Variants in DOCK1 observed in about 807,000 individuals in gnomAD.
DOCK1 encodes the protein dedicator of cytokinesis protein 1.
A neutral mutation model predicts 262.7 loss-of-function variants in DOCK1; 138 were observed. The observed-to-expected ratio is 0.53, with a 90% CI of 0.46 to 0.61. The LOEUF is 0.61. Ranked by LOEUF, DOCK1 falls within the 20% of genes least tolerant of loss-of-function variation. DOCK1 has a pLI of 0.00. For missense variants in DOCK1, 1,908 were observed against 2,370.7 expected (o/e 0.80, Z 4.05); for synonymous variants, 866 against 867.4 (o/e 1.00, Z 0.03).
chr10:126,950,056 A>ATTT lies in DOCK1; in HGVS notation c.47-20638_47-20636dup, dbSNP rs1440154475. Among the ~76,000 whole-genome samples the ATTT allele has an allele frequency of 6.5e-4, 97 of 149,542 alleles. 1 individual carries two copies. Among genetic ancestry groups the ATTT allele is most frequent in the African/African-American group, 1.9e-3 (77 of 40,954 alleles). On this transcript the variant is annotated intron_variant, in intron 1 of 51. Coordinates refer to ENST00000623213, the MANE Select transcript of DOCK1 (RefSeq NM_001290223.2). Reference sequence around the variant, plus strand: ...CCATCTAACATCCTCTCTAAGCCTCATTTTTTTTTTCCATTTGTGAAATGG... The same window carrying ATTT: ...CCATCTAACATCCTCTCTAAGCCTCATTTTTTTTTTTTTCCATTTGTGAAATGG...
chr10:127,124,039 C>A (rs911210679), intron 25 of DOCK1, among the ~76,000 whole-genome samples: 2 of 152,210 alleles, frequency 1.3e-5, no homozygotes, highest in African/African-American at 4.8e-5. Flanking sequence ...AAGGCCTTGG[C>A]CATGAGCCGC....
At chr10:126,991,525 TTTTG>T (rs754427195) in intron 6 of DOCK1, among the ~76,000 whole-genome samples, 16 of 152,040 alleles carry the variant, frequency 1.1e-4, no homozygotes, top group Non-Finnish European at 1.8e-4. Flanking sequence ...AGTGTTTTTT[TTTTG>T]TTTGTTTGTT....
intron 51 of DOCK1, among the ~76,000 whole-genome samples, chr10:127,450,390 T>C (rs940805133): frequency 6.6e-6 from 1 of 152,242 alleles, no homozygotes; most frequent in Non-Finnish European, 1.5e-5. Flanking sequence ...TAGTGTTCTG[T>C]GATTTCATTC....
chr10:127,156,562 CTT>C (rs869132788), intron 27 of DOCK1, among the ~76,000 whole-genome samples: 9 of 16,952 alleles, frequency 5.3e-4, no homozygotes, highest in African/African-American at 1.9e-3. Context: ...TCTTCTTCTT[CTT>C]TTTTTTTTTT....
chr10:127,026,299 T>TA (rs1591719085), intron 15 of DOCK1, 53 bp from the exon 16 acceptor site: 1 of 1,498,156 alleles, frequency 6.7e-7, no homozygotes, highest in Admixed American at 2.0e-5. Flanking sequence ...ATAAAGCTGT[T>TA]ACGCTGGATG....
rs1231073963 is a variant in DOCK1, at chr10:127,054,674, G to T, written c.2336+1859G>T. On this transcript the variant is annotated intron_variant, in intron 22 of 51. Transcript: ENST00000623213. ...TTTTCCTCACTGATTTTAAATCTCT[G>T]ATTATGCTAAACCCAAGTCAGTACT... 2.0e-5 allele frequency among the ~76,000 whole-genome samples: 3 copies of T among 152,130 alleles called. No homozygotes were observed. In the East Asian group the frequency reaches 5.8e-4, roughly 29 times the overall value.
chr10:127,445,468 G>A (rs2070477133), intron 50 of DOCK1, among the ~76,000 whole-genome samples: 1 of 152,192 alleles, frequency 6.6e-6, no homozygotes, highest in African/African-American at 2.4e-5. Context: ...CTGGGCACTG[G>A]ATATGTCTTT....
Position 126,943,314 on chromosome 10 carries a change from TC to T in DOCK1, c.47-27387del, listed in dbSNP as rs1433392009. Among the ~76,000 whole-genome samples the T allele has an allele frequency of 3.3e-5, 5 of 152,198 alleles. No homozygotes were observed. In the East Asian group the frequency reaches 5.8e-4, roughly 18 times the overall value. On this transcript the variant is annotated intron_variant, in intron 1 of 51. Coordinates refer to ENST00000623213, the MANE Select transcript of DOCK1 (RefSeq NM_001290223.2). The stretch of plus-strand genomic sequence containing the variant: ...TTCTTTGAACCTGACTGCCTTACTT[TC>T]TTTGGCAAGCTAATTTTTCTGAGGT...
intron 22 of DOCK1, among the ~76,000 whole-genome samples, chr10:127,058,218 A>G (rs1234316760): frequency 6.6e-6 from 1 of 152,116 alleles, no homozygotes; most frequent in Non-Finnish European, 1.5e-5. Flanking sequence ...AAAATATTAA[A>G]GATTCATTAA....
chr10:127,130,532 C>T (rs2050260277), intron 27 of DOCK1, among the ~76,000 whole-genome samples: 1 of 152,134 alleles, frequency 6.6e-6, no homozygotes, highest in African/African-American at 2.4e-5. Flanking sequence ...GATGTGCTCA[C>T]AGCTTCATCA....
chr10:127,400,104 T>G (rs1042588028), intron 38 of DOCK1, among the ~76,000 whole-genome samples: 2 of 152,028 alleles, frequency 1.3e-5, no homozygotes, highest in African/African-American at 4.8e-5. Flanking sequence ...GAAACCTTTG[T>G]CTTCTTTGGG....
chr10:127,315,465 G>T (rs1224081492), intron 29 of DOCK1, among the ~76,000 whole-genome samples: 1 of 152,118 alleles, frequency 6.6e-6, no homozygotes, highest in African/African-American at 2.4e-5. Context: ...GACACGGGGG[G>T]AAGATGACCC....
At chr10:127,128,396 A>G (rs953682184) in intron 27 of DOCK1, among the ~76,000 whole-genome samples, 6 of 112,626 alleles carry the variant, frequency 5.3e-5, no homozygotes, top group Admixed American at 1.9e-4. Context: ...TTTTTTCTTT[A>G]ATTTCTGGGA....
At chr10:127,039,935 T>G (rs1275452478) in intron 19 of DOCK1, among the ~76,000 whole-genome samples, 13 of 152,214 alleles carry the variant, frequency 8.5e-5, no homozygotes, top group Admixed American at 8.5e-4. Flanking sequence ...GGGTGCCAGA[T>G]GAAGCCCTTT....
rs7911270 is a variant in DOCK1 at position 127,103,217 on chromosome 10, A to G, written c.2446-3014A>G. On this transcript the variant is annotated intron_variant, in intron 23 of 51. Transcript: ENST00000623213. ...TTGTTTCTAGTGTTTGGAGATTACA[A>G]ATAAAGCTGCTAGAGACGTCCACAT... 1.4e-3 allele frequency among the ~76,000 whole-genome samples: 214 copies of G among 152,306 alleles called. 1 individual carries two copies. Among genetic ancestry groups the G allele is most frequent in the African/African-American group, 4.9e-3 (205 of 41,562 alleles).
chr10:126,987,607 A>G lies in DOCK1; in HGVS notation c.314A>G (p.Gln105Arg). 6.4e-7 allele frequency: 1 copy of G among 1,563,362 alleles called. No homozygotes were observed. Residue 105 changes from glutamine to arginine, a missense_variant, in exon 5 of 52, where the codon CAG becomes CGG. By Grantham distance (43) the Gln-to-Arg change is conservative. Transcript: ENST00000623213. ...TLREWSTIWRQLYVQDNREMF... is the reference protein window; with the variant it reads ...TLREWSTIWRRLYVQDNREMF... ...CGAGAGTGGTCCACCATCTGGAGGCAGCTCTACGTGGTGAGAAAATGAGAT... is the reference window on the plus strand; with the variant it reads ...CGAGAGTGGTCCACCATCTGGAGGCGGCTCTACGTGGTGAGAAAATGAGAT...
At chr10:127,214,653 C>T (rs543412074) in intron 27 of DOCK1, among the ~76,000 whole-genome samples, 4 of 152,266 alleles carry the variant, frequency 2.6e-5, no homozygotes, top group South Asian at 2.1e-4. Context: ...CTGCATTTAG[C>T]GATCTCCAGG....
intron 35 of DOCK1, 29 bp downstream of exon 35, chr10:127,374,243 A>T (rs1421760166): frequency 1.9e-6 from 3 of 1,591,368 alleles, no homozygotes; most frequent in Non-Finnish European, 2.6e-6. Context: ...ACGTTTTTTC[A>T]GTTTTCACAG....
In DOCK1 at chr10:127,269,959, CAGTA is replaced by C. The variant is rs796381351; in HGVS notation, c.3044+12534_3044+12537del. Among the ~76,000 whole-genome samples the C allele has an allele frequency of 1.1e-4, 17 of 152,342 alleles. 1 individual carries two copies. The highest frequency in any genetic ancestry group is 3.8e-4 in the African/African-American group (16 of 41,570). On this transcript the variant is annotated intron_variant, in intron 29 of 51. Transcript: ENST00000623213. The stretch of plus-strand genomic sequence containing the variant: ...TCCTGACCACGCTCAGTTTTGGTAA[CAGTA>C]AGTGGCACTGTCTACAGAGCCTCTC...
Sources: gnomAD v4.1 joint callset for allele counts (sites outside exome capture counted in the v4.1 genomes callset) on GRCh38, gnomAD v4.1.1 for gene constraint, MANE v1.5 for transcripts, NCBI Gene and HGNC (gene_info 2026-07-23, HGNC 2026-07-21) for gene names.